Variants in MITF observed in about 807,000 individuals in gnomAD.
MITF encodes the protein microphthalmia-associated transcription factor.
In MITF, 17 loss-of-function variants were observed where a neutral mutation model predicts 60.5. That is an observed-to-expected ratio of 0.28 (90% confidence interval 0.19 to 0.42). MITF has a LOEUF of 0.42. Ranked by LOEUF, MITF falls within the 10% of genes least tolerant of loss-of-function variation. The pLI is 1.00. For synonymous variants in MITF, 260 were observed against 248.5 expected, an observed-to-expected ratio of 1.05 and a Z score of -0.43; for missense variants, 622 against 683.5, an observed-to-expected ratio of 0.91 and a Z score of 1.00.
intron 1 of MITF, among the ~76,000 whole-genome samples, chr3:69,851,932 A>G (rs1012377130): frequency 1.1e-4 from 16 of 152,344 alleles, no homozygotes; most frequent in African/African-American, 3.6e-4. Flanking sequence ...ACAAATATTT[A>G]TTGGTGAGCT....
intron 2 of MITF, among the ~76,000 whole-genome samples, chr3:69,929,726 TATTGAAAATACACCGTC>T (rs1559726984): frequency 1.3e-5 from 2 of 152,124 alleles, no homozygotes; most frequent in Non-Finnish European, 2.9e-5. Flanking sequence ...CTATTCATTG[TATTGAAAATACACCGTC>T]AGAGTGCCAA....
chr3:69,772,870 T>C lies in MITF; in HGVS notation c.104+33169T>C, dbSNP rs554026353. On this transcript the variant is annotated intron_variant, in intron 1 of 9. Transcript: ENST00000352241. ...ACTATGTTTCAGGAAGTTGTCTAGG[T>C]ATGAGGAATACAGCAGGGCACCAAA... Among the ~76,000 whole-genome samples the C allele has an allele frequency of 3.3e-5, 5 of 152,286 alleles. No individual in the cohort carries two copies. In the East Asian group the frequency reaches 9.7e-4, roughly 29 times the overall value.
chr3:69,933,188 C>G (rs2065760692), intron 2 of MITF, among the ~76,000 whole-genome samples: 1 of 151,806 alleles, frequency 6.6e-6, no homozygotes, highest in African/African-American at 2.4e-5. Flanking sequence ...AGACCCTTAT[C>G]TCTAAAAATA....
At chr3:69,863,491 C>G (rs2064054109) in intron 1 of MITF, among the ~76,000 whole-genome samples, 1 of 152,118 alleles carries the variant, frequency 6.6e-6, no homozygotes. Context: ...GCTGAACCTG[C>G]CAGGGGAATA....
chr3:69,941,367 G>A, intron 5 of MITF, 36 bp downstream of exon 5: 1 of 1,339,398 alleles, frequency 7.5e-7, no homozygotes, highest in Middle Eastern at 1.8e-4. Context: ...AAAATCTTGA[G>A]GTGTTTCCAG....
intron 1 of MITF, among the ~76,000 whole-genome samples, chr3:69,806,072 C>T (rs1235106829): frequency 6.6e-6 from 1 of 151,462 alleles, no homozygotes; most frequent in Non-Finnish European, 1.5e-5. Context: ...TCCACGGTAT[C>T]TGTTAGCAGA....
chr3:69,820,466 A>AT lies in MITF; in HGVS notation c.105-58657dup, dbSNP rs34103766. Among the ~76,000 whole-genome samples the AT allele has an allele frequency of 4.0e-3, 604 of 150,654 alleles. 1 individual carries two copies. Among genetic ancestry groups the AT allele is most frequent in the African/African-American group, 0.013 (540 of 40,934 alleles). On this transcript the variant is annotated intron_variant, in intron 1 of 9. Coordinates refer to ENST00000352241, the MANE Select transcript of MITF (RefSeq NM_001354604.2). ...ATGTAGCAATGAAAACAAGAGTAGG[A>AT]TTTTTTTTTTTCAGTTGTAAAAGAA...
chr3:69,929,190 C>T (rs564969920), intron 2 of MITF, among the ~76,000 whole-genome samples: 7 of 152,296 alleles, frequency 4.6e-5, no homozygotes, highest in East Asian at 1.9e-4. Context: ...TATCCATGCA[C>T]GCCAGCCACA....
chr3:69,873,523 G>A (rs1220694578), intron 1 of MITF, among the ~76,000 whole-genome samples: 1 of 152,136 alleles, frequency 6.6e-6, no homozygotes, highest in Admixed American at 6.5e-5. Context: ...CAGTTGTGCT[G>A]TACCCATAAA....
At chr3:69,843,918 G>A (rs1332138565) in intron 1 of MITF, among the ~76,000 whole-genome samples, 2 of 151,958 alleles carry the variant, frequency 1.3e-5, no homozygotes, top group East Asian at 1.9e-4. Flanking sequence ...GATAGACCCC[G>A]GTGTGTGATA....
At chr3:69,829,011 G>C (rs865789401) in intron 1 of MITF, among the ~76,000 whole-genome samples, 35 of 152,086 alleles carry the variant, frequency 2.3e-4, no homozygotes, top group Middle Eastern at 6.8e-3. Flanking sequence ...CCCATGGACT[G>C]GACTGCTTCA....
At chr3:69,853,448 A>G (rs1274190857) in intron 1 of MITF, among the ~76,000 whole-genome samples, 3 of 152,120 alleles carry the variant, frequency 2.0e-5, no homozygotes, top group African/African-American at 7.2e-5. Flanking sequence ...TACTAACAAT[A>G]TTCAATATTA....
intron 5 of MITF, among the ~76,000 whole-genome samples, chr3:69,943,184 G>A (rs1265359601): frequency 1.3e-5 from 2 of 149,696 alleles, no homozygotes; most frequent in Non-Finnish European, 3.0e-5. Flanking sequence ...TTATAGGTGT[G>A]TGCCACTACA....
At chr3:69,746,149 T>C (rs1210342661) in intron 1 of MITF, among the ~76,000 whole-genome samples, 2 of 152,180 alleles carry the variant, frequency 1.3e-5, no homozygotes, top group African/African-American at 2.4e-5. Context: ...CTTGGTTTCG[T>C]TTGTTATTGG....
intron 1 of MITF, among the ~76,000 whole-genome samples, chr3:69,836,200 G>A (rs947658347): frequency 2.0e-5 from 3 of 151,920 alleles, no homozygotes; most frequent in Non-Finnish European, 4.4e-5. Context: ...TGATGGTTAT[G>A]TTTATTCCTA....
At chr3:69,953,684 GAGAGAC>G (rs573498755) in intron 7 of MITF, among the ~76,000 whole-genome samples, 6,778 of 143,674 alleles carry the variant, frequency 0.047, 195 homozygotes, top group South Asian at 0.076. Context: ...GAGAGAGAGA[GAGAGAC>G]AGAGACAGAG....
chr3:69,901,213 C>CA (rs201494705), intron 2 of MITF, among the ~76,000 whole-genome samples: 7,169 of 74,854 alleles, frequency 0.096, 207 homozygotes, highest in Non-Finnish European at 0.12. Flanking sequence ...TGTGATTTTT[C>CA]AAAAAAAAAA....
intron 1 of MITF, among the ~76,000 whole-genome samples, chr3:69,756,124 C>A (rs1446696441): frequency 6.6e-6 from 1 of 152,000 alleles, no homozygotes; most frequent in Admixed American, 6.6e-5. Flanking sequence ...GTATATGTGG[C>A]AAGTTTTTTT....
intron 1 of MITF, among the ~76,000 whole-genome samples, chr3:69,827,625 G>T (rs1282349583): frequency 6.6e-6 from 1 of 152,172 alleles, no homozygotes; most frequent in East Asian, 1.9e-4. Context: ...GGTAGGAAGG[G>T]ACTTGGCACA....
Sources: allele counts gnomAD v4.1 joint callset (sites outside exome capture counted in the v4.1 genomes callset), GRCh38; gene constraint gnomAD v4.1.1; transcripts MANE v1.5; gene names NCBI Gene and HGNC (gene_info 2026-07-23, HGNC 2026-07-21).